The following PRKN variants were observed in gnomAD, a reference collection of about 807,000 sequenced individuals.
The protein encoded by PRKN is E3 ubiquitin-protein ligase parkin.
In PRKN, 56 loss-of-function variants were observed where a neutral mutation model predicts 59.5. The ratio of observed to expected loss-of-function variants is 0.94; its 90% CI spans 0.76 to 1.18. PRKN has a LOEUF of 1.18. PRKN is among the 50% of genes most tolerant of loss of function. The pLI is 0.00. For synonymous variants in PRKN, 250 were observed against 222.1 expected, an observed-to-expected ratio of 1.13 and a Z score of -1.12; for missense variants, 657 against 596.4, an observed-to-expected ratio of 1.10 and a Z score of -1.06.
In PRKN at chr6:161,519,660, C is replaced by T. The variant is rs184822446; in HGVS notation, c.1083+29194G>A. ...CAAAAAGATATGAGCTTATCTGTTA[C>T]GTATTTCTTTACAATTTTACATAAG... On this transcript the variant is annotated intron_variant, in intron 9 of 11. Transcript: ENST00000366898. Among the ~76,000 whole-genome samples, 201 of 152,276 alleles carry T rather than the reference C, an allele frequency of 1.3e-3. 1 individual carries two copies. Among genetic ancestry groups the T allele is most frequent in the Non-Finnish European group, 2.4e-3 (163 of 68,028 alleles).
At chr6:162,214,115 A>G (rs1229318702) in intron 3 of PRKN, among the ~76,000 whole-genome samples, 2 of 152,096 alleles carry the variant, frequency 1.3e-5, no homozygotes, top group African/African-American at 2.4e-5. Context: ...TACACACACG[A>G]ACACCAAGGT....
intron 6 of PRKN, among the ~76,000 whole-genome samples, chr6:161,828,418 C>A (rs1055131310): frequency 6.6e-6 from 1 of 152,208 alleles, no homozygotes; most frequent in Non-Finnish European, 1.5e-5. Context: ...AGGGTCTTCA[C>A]GGCAAACAGT....
chr6:161,472,809 A>C (rs1283473344), intron 9 of PRKN, among the ~76,000 whole-genome samples: 1 of 152,066 alleles, frequency 6.6e-6, no homozygotes. Context: ...ATAGCAAAAA[A>C]CCCCAAATAA....
intron 1 of PRKN, among the ~76,000 whole-genome samples, chr6:162,476,632 A>G (rs1792030914): frequency 6.6e-6 from 1 of 152,188 alleles, no homozygotes; most frequent in Non-Finnish European, 1.5e-5. Context: ...GGGAAGCCCA[A>G]TGGGTCAGAA....
chr6:161,387,252 T>C (rs1786298572), intron 9 of PRKN, among the ~76,000 whole-genome samples: 1 of 152,194 alleles, frequency 6.6e-6, no homozygotes, highest in Non-Finnish European at 1.5e-5. Flanking sequence ...AATTGAATCA[T>C]GGGGATGATT....
At chr6:162,143,389 G>A (rs1781871610) in intron 4 of PRKN, among the ~76,000 whole-genome samples, 1 of 152,098 alleles carries the variant, frequency 6.6e-6, no homozygotes, top group African/African-American at 2.4e-5. Context: ...GAATGTCTTG[G>A]ACCAAGAGGT....
At chr6:162,284,099 A>C (rs978692936) in intron 2 of PRKN, among the ~76,000 whole-genome samples, 10 of 152,174 alleles carry the variant, frequency 6.6e-5, no homozygotes, top group African/African-American at 2.4e-4. Context: ...AAGAAGGAAT[A>C]AAACAGCTAC....
intron 2 of PRKN, among the ~76,000 whole-genome samples, chr6:162,392,263 G>A (rs1787240397): frequency 6.6e-6 from 1 of 152,096 alleles, no homozygotes; most frequent in African/African-American, 2.4e-5. Context: ...AGGCCAGAGG[G>A]CCTCCTGATA....
intron 2 of PRKN, among the ~76,000 whole-genome samples, chr6:162,403,058 G>T (rs1434352518): frequency 6.6e-6 from 1 of 152,110 alleles, no homozygotes; most frequent in Non-Finnish European, 1.5e-5. Context: ...ACACCGTCTG[G>T]ATTCTCACTC....
chr6:162,233,104 C>G (rs1400723346), intron 3 of PRKN, among the ~76,000 whole-genome samples: 1 of 152,118 alleles, frequency 6.6e-6, no homozygotes, highest in Non-Finnish European at 1.5e-5. Flanking sequence ...TGATAGAGTC[C>G]TATAGTCACC....
At chr6:162,399,533 A>G (rs1787652009) in intron 2 of PRKN, among the ~76,000 whole-genome samples, 1 of 152,166 alleles carries the variant, frequency 6.6e-6, no homozygotes, top group African/African-American at 2.4e-5. Flanking sequence ...TGAATAACAC[A>G]TACACACACA....
intron 6 of PRKN, among the ~76,000 whole-genome samples, chr6:161,872,745 G>T (rs1794394169): frequency 1.3e-5 from 2 of 152,052 alleles, no homozygotes; most frequent in Non-Finnish European, 1.5e-5. Context: ...GACTGTAACG[G>T]AGTAAGAGCA....
At chr6:161,493,993 G>A (rs61624583) in intron 9 of PRKN, among the ~76,000 whole-genome samples, 3,151 of 152,206 alleles carry the variant, frequency 0.021, 119 homozygotes, top group African/African-American at 0.073. Context: ...CAATGTTAAC[G>A]GGTCCACCCA....
chr6:162,647,908 C>T (rs998300492), intron 1 of PRKN, among the ~76,000 whole-genome samples: 6 of 127,912 alleles, frequency 4.7e-5, no homozygotes, highest in African/African-American at 1.5e-4. Flanking sequence ...GTTAGAGCTC[C>T]CAGTGCTAGG....
intron 6 of PRKN, among the ~76,000 whole-genome samples, chr6:161,949,268 T>C (rs1017795483): frequency 1.8e-4 from 27 of 152,194 alleles, no homozygotes; most frequent in African/African-American, 6.5e-4. Context: ...TCCCAGCACT[T>C]TGGGAGGCCG....
At chr6:162,393,262 C>T (rs370441794) in intron 2 of PRKN, among the ~76,000 whole-genome samples, 7 of 148,108 alleles carry the variant, frequency 4.7e-5, no homozygotes, top group African/African-American at 1.3e-4. Context: ...AGGGTTCAAA[C>T]GATTCTCCTT....
chr6:162,343,283 T>C (rs1372558420), intron 2 of PRKN, among the ~76,000 whole-genome samples: 1 of 152,208 alleles, frequency 6.6e-6, no homozygotes, highest in East Asian at 1.9e-4. Flanking sequence ...ATTTTTAAAA[T>C]GATAATACCT....
At chr6:161,676,782 T>C (rs989941249) in intron 7 of PRKN, among the ~76,000 whole-genome samples, 1 of 152,174 alleles carries the variant, frequency 6.6e-6, no homozygotes, top group African/African-American at 2.4e-5. Flanking sequence ...AGGGTGCTGC[T>C]GTGAGACATG....
In PRKN at chr6:161,525,145, G is replaced by GTA. The variant is rs939792156; in HGVS notation, c.1083+23708_1083+23709insTA. The stretch of plus-strand genomic sequence containing the variant: ...TTTTCTAAAAGGTGTGTGTGTGTGT[G>GTA]TGTGTGTATGTGTGTGTGAGTAGGG... On this transcript the variant is annotated intron_variant, in intron 9 of 11. Transcript: ENST00000366898. The surrounding 1 kb of genome is among the most constrained non-coding windows in gnomAD (Gnocchi z 4.7). Among the ~76,000 whole-genome samples, 10 of 151,854 alleles carry GTA rather than the reference G, an allele frequency of 6.6e-5. No individual in the cohort carries two copies. The highest frequency in any genetic ancestry group is 2.4e-4 in the African/African-American group (10 of 41,318).
Sources: allele counts gnomAD v4.1 joint callset (sites outside exome capture counted in the v4.1 genomes callset), GRCh38; gene constraint gnomAD v4.1.1; non-coding constraint Gnocchi (gnomAD v3.1); transcripts MANE v1.5; gene names NCBI Gene and HGNC (gene_info 2026-07-23, HGNC 2026-07-21).